Variants in ULK4 observed in about 807,000 individuals in gnomAD.
ULK4 encodes the protein unc-51 like kinase 4.
Under a neutral mutation model 160.6 loss-of-function variants are expected in ULK4, and 133 were observed. The observed-to-expected ratio is 0.83, with a 90% CI of 0.72 to 0.96. The LOEUF (loss-of-function observed/expected upper bound fraction) is 0.96, where lower values mean the gene tolerates loss of function less well. Ranked by LOEUF, ULK4 falls within the 40% of genes least tolerant of loss-of-function variation. The probability of loss-of-function intolerance (pLI) is 0.00; values close to 1 mark genes in which losing one functional copy is unlikely to be tolerated. For synonymous variants in ULK4, 534 were observed against 539.8 expected (o/e 0.99, Z 0.15); for missense variants, 1,580 against 1,499.5 (o/e 1.05, Z -0.89).
At chr3:41,707,446 A>C (rs55712089) in intron 25 of ULK4, among the ~76,000 whole-genome samples, 20,166 of 152,186 alleles carry the variant, frequency 0.13, 3,940 homozygotes, top group African/African-American at 0.43. Flanking sequence ...ATGGGAAAAA[A>C]ATATTTGTAA....
chr3:41,353,806 G>T (rs911622813), intron 35 of ULK4, among the ~76,000 whole-genome samples: 1 of 151,302 alleles, frequency 6.6e-6, no homozygotes, highest in Admixed American at 6.6e-5. Flanking sequence ...CTTCTATAGG[G>T]TACACCTACT....
At chr3:41,288,163 A>C (rs1211112031) in intron 35 of ULK4, among the ~76,000 whole-genome samples, 1 of 152,182 alleles carries the variant, frequency 6.6e-6, no homozygotes, top group African/African-American at 2.4e-5. Context: ...AACTAAATTC[A>C]CAAACAAAAA....
intron 30 of ULK4, among the ~76,000 whole-genome samples, chr3:41,640,637 T>C (rs893938225): frequency 6.6e-6 from 1 of 152,036 alleles, no homozygotes; most frequent in South Asian, 2.1e-4. Context: ...AATGCTTAAG[T>C]CTGAGCAAAT....
At chr3:41,486,465 T>G (rs544868426) in intron 32 of ULK4, among the ~76,000 whole-genome samples, 1 of 152,126 alleles carries the variant, frequency 6.6e-6, no homozygotes, top group Non-Finnish European at 1.5e-5. Context: ...TCATTTACAT[T>G]TGACGGAGAC....
In ULK4 at chr3:41,912,837, T is replaced by G. The variant is rs1423985441; in HGVS notation, c.866A>C (p.Gln289Pro). 4 of 1,614,194 alleles carry G rather than the reference T, an allele frequency of 2.5e-6. No individual in the cohort carries two copies. Among genetic ancestry groups the G allele is most frequent in the Non-Finnish European group, 2.5e-6 (3 of 1,180,024 alleles). The change falls in exon 9 of 37, where the codon CAG becomes CCG. Residue 289 changes from glutamine (Q) to proline (P), a missense_variant. Transcript: ENST00000301831. ...FWKKAFAGAD[Q>P]ESSVEDLSLS... ...ACTGAGATCTTCGACGCTTGATTCC[T>G]GATCTGCTCCAGCAAAAGCTTTCTT...
chr3:41,438,089 T>C (rs1459206258), intron 34 of ULK4, among the ~76,000 whole-genome samples: 1 of 143,262 alleles, frequency 7.0e-6, no homozygotes, highest in Non-Finnish European at 1.5e-5. Context: ...TCTGGTTTTT[T>C]AAAATACATG....
intron 4 of ULK4, 93 bp from the exon 5 acceptor site, chr3:41,932,099 G>T: frequency 9.2e-7 from 1 of 1,091,206 alleles, no homozygotes; most frequent in Non-Finnish European, 1.3e-6. Flanking sequence ...GAACTTTTCA[G>T]CATTGCTATT....
intron 23 of ULK4, among the ~76,000 whole-genome samples, chr3:41,716,801 G>A (rs1027872512): frequency 6.6e-6 from 1 of 152,056 alleles, no homozygotes; most frequent in African/African-American, 2.4e-5. Context: ...ATGAAATAAG[G>A]TATTTCTTTA....
chr3:41,794,475 C>T (rs926245216), intron 20 of ULK4, among the ~76,000 whole-genome samples: 3 of 151,744 alleles, frequency 2.0e-5, no homozygotes, highest in African/African-American at 7.3e-5. Flanking sequence ...ACCAGCCTGA[C>T]CAACATGGTG....
chr3:41,888,298 A>G (rs1559630420), intron 16 of ULK4, among the ~76,000 whole-genome samples: 1 of 152,190 alleles, frequency 6.6e-6, no homozygotes, highest in Non-Finnish European at 1.5e-5. Flanking sequence ...TAGAGTCTCT[A>G]AAATACAAGT....
chr3:41,270,747 G>A (rs919970381), intron 35 of ULK4, among the ~76,000 whole-genome samples: 1 of 152,108 alleles, frequency 6.6e-6, no homozygotes, highest in African/African-American at 2.4e-5. Flanking sequence ...TGGCAGAAAG[G>A]TTAAGTTTCT....
chr3:41,385,621 A>G (rs2081789083), intron 35 of ULK4, among the ~76,000 whole-genome samples: 1 of 152,238 alleles, frequency 6.6e-6, no homozygotes, highest in Non-Finnish European at 1.5e-5. Context: ...AGTTTCACAA[A>G]GCAATATCCT....
At chr3:41,622,984 A>T (rs934657091) in intron 30 of ULK4, among the ~76,000 whole-genome samples, 1 of 152,346 alleles carries the variant, frequency 6.6e-6, no homozygotes, top group East Asian at 1.9e-4. Context: ...AACTTTATTT[A>T]TAAACAACAG....
chr3:41,802,925 G>C (rs539865489), intron 19 of ULK4, among the ~76,000 whole-genome samples: 2 of 152,148 alleles, frequency 1.3e-5, no homozygotes, highest in East Asian at 3.8e-4. Flanking sequence ...CCAGCACTTT[G>C]GGAGGCCGAA....
Position 41,871,462 on chromosome 3 carries a change from A to G in ULK4, c.1656+12412T>C, listed in dbSNP as rs564797603. 9.5e-4 allele frequency among the ~76,000 whole-genome samples: 144 copies of G among 152,330 alleles called. 1 individual carries two copies. Among genetic ancestry groups the G allele is most frequent in the Admixed American group, 1.6e-3 (24 of 15,290 alleles). On this transcript the variant is annotated intron_variant, in intron 17 of 36. Coordinates refer to ENST00000301831, the MANE Select transcript of ULK4 (RefSeq NM_017886.4). ...GCCAAAATGTTTCCAGAGTAGTTGC[A>G]TGATTTTGCACTCCCATCAGCAATA...
chr3:41,383,242 G>C (rs1051026588), intron 35 of ULK4, among the ~76,000 whole-genome samples: 3 of 151,884 alleles, frequency 2.0e-5, no homozygotes, highest in Non-Finnish European at 4.4e-5. Flanking sequence ...AGGATTACAG[G>C]CGCCTGCCAC....
chr3:41,487,108 T>TA (rs1312156525), intron 32 of ULK4, among the ~76,000 whole-genome samples: 2 of 152,200 alleles, frequency 1.3e-5, no homozygotes, highest in Non-Finnish European at 2.9e-5. Flanking sequence ...ATCTCTTTCA[T>TA]AACTAAACTA....
rs576863740 is a variant in ULK4, at chr3:41,658,490, T to C, written c.3071+5117A>G. Reference sequence around the variant, plus strand: ...CACATATATTCACACATATGATCAATGTCCTATTTCATTAACTGTAGCTTT... The same window carrying C: ...CACATATATTCACACATATGATCAACGTCCTATTTCATTAACTGTAGCTTT... On this transcript the variant is annotated intron_variant, in intron 30 of 36. Coordinates refer to ENST00000301831, the MANE Select transcript of ULK4 (RefSeq NM_017886.4). Among the ~76,000 whole-genome samples, 122 of 152,356 alleles carry C rather than the reference T, an allele frequency of 8.0e-4. 1 individual carries two copies. Among genetic ancestry groups the C allele is most frequent in the African/African-American group, 2.9e-3 (120 of 41,584 alleles).
chr3:41,381,049 A>G (rs1431962355), intron 35 of ULK4, among the ~76,000 whole-genome samples: 1 of 151,830 alleles, frequency 6.6e-6, no homozygotes, highest in African/African-American at 2.4e-5. Flanking sequence ...TTTAAATCTT[A>G]TGTCACCAGA....
Sources: gnomAD v4.1 joint callset for allele counts (sites outside exome capture counted in the v4.1 genomes callset) on GRCh38, gnomAD v4.1.1 for gene constraint, MANE v1.5 for transcripts, NCBI Gene and HGNC (gene_info 2026-07-23, HGNC 2026-07-21) for gene names.